JAKMIP1: variants seen among roughly 807,000 people sequenced by gnomAD.
The protein encoded by JAKMIP1 is janus kinase and microtubule interacting protein 1.
In JAKMIP1, 33 loss-of-function variants were observed where a neutral mutation model predicts 113.0. That is an observed-to-expected ratio of 0.29 (90% CI 0.22 to 0.39). JAKMIP1 has a LOEUF of 0.39. JAKMIP1 is among the 10% of genes least tolerant of loss of function. The pLI, the probability that JAKMIP1 is intolerant of heterozygous loss-of-function variation, is 1.00. For missense variants in JAKMIP1, 813 were observed against 1,080.5 expected, an observed-to-expected ratio of 0.75 and a Z score of 3.47; for synonymous variants, 480 against 459.9, an observed-to-expected ratio of 1.04 and a Z score of -0.56.
At position 6,081,868 on chromosome 4, in the gene JAKMIP1, G is replaced by T; in HGVS notation, c.955-113C>A. The T allele has an allele frequency of 2.5e-6, 3 of 1,182,646 alleles. No homozygotes were observed. Among genetic ancestry groups the T allele is most frequent in the Non-Finnish European group, 3.6e-6 (3 of 834,586 alleles). 73.3% of individuals were successfully genotyped at this position (1,182,646 alleles called of 1,614,324 possible). A position where few individuals can be genotyped will look rare whatever the true frequency, so the allele number is the denominator to read the frequency against. On this transcript the variant is annotated intron_variant, in intron 5 of 20. Coordinates refer to ENST00000409021, the MANE Select transcript of JAKMIP1 (RefSeq NM_001099433.2). The surrounding 1 kb of genome is among the most constrained non-coding windows in gnomAD (Gnocchi z 4.6). ...AGTTAGGACCCCTTCTGAGGCCAGTGTCCTGGATGACACATTTGTTTGCTA... is the reference window on the plus strand; with the variant it reads ...AGTTAGGACCCCTTCTGAGGCCAGTTTCCTGGATGACACATTTGTTTGCTA...
chr4:6,127,827 G>C (rs190427188), intron 1 of JAKMIP1, among the ~76,000 whole-genome samples: 1 of 152,314 alleles, frequency 6.6e-6, no homozygotes, highest in East Asian at 1.9e-4. Context: ...TTCTCATTTC[G>C]AACCAAAAAG....
At chr4:6,191,229 C>T (rs1727222667) in intron 1 of JAKMIP1, among the ~76,000 whole-genome samples, 1 of 152,180 alleles carries the variant, frequency 6.6e-6, no homozygotes, top group African/African-American at 2.4e-5. Flanking sequence ...GTGTCAGGCT[C>T]CAGACTCCAG....
rs780002101 is a variant in JAKMIP1, at chr4:6,040,743, G to C, written c.2098-27C>G. On this transcript the variant is annotated intron_variant, in intron 17 of 20. Transcript: ENST00000409021. The surrounding 1 kb of genome is among the most constrained non-coding windows in gnomAD (Gnocchi z 5.8). ...TGAGAAAGAGGGAGGCGCCATCAGG[G>C]ACCAGCGTCAGAACAGGAATCCATG... 1.9e-6 allele frequency: 3 copies of C among 1,586,788 alleles called. No homozygotes were observed. The South Asian group carries it at 3.3e-5, about 18-fold the overall frequency.
intron 1 of JAKMIP1, among the ~76,000 whole-genome samples, chr4:6,118,742 G>A (rs1280235969): frequency 2.0e-5 from 3 of 151,954 alleles, no homozygotes; most frequent in Admixed American, 6.6e-5. Flanking sequence ...GGAGGCAAGC[G>A]CAGAGCTCTG....
At position 6,180,355 on chromosome 4, in the gene JAKMIP1, C is replaced by A. The variant is rs1016077372; in HGVS notation, c.-148+19898G>T. Among the ~76,000 whole-genome samples the A allele has an allele frequency of 1.3e-5, 2 of 152,180 alleles. No individual in the cohort carries two copies. Among genetic ancestry groups the A allele is most frequent in the African/African-American group, 4.8e-5 (2 of 41,448 alleles). On this transcript the variant is annotated intron_variant, in intron 1 of 20. Coordinates refer to ENST00000409021, the MANE Select transcript of JAKMIP1 (RefSeq NM_001099433.2). The surrounding 1 kb of genome is among the most constrained non-coding windows in gnomAD (Gnocchi z 4.5). Reference sequence around the variant, plus strand: ...ATAATGAAGCTTCCTTTAGAACATTCTGTGCACGTGAAGTCTTCTTTCTTA... The same window carrying A: ...ATAATGAAGCTTCCTTTAGAACATTATGTGCACGTGAAGTCTTCTTTCTTA...
At position 6,084,906 on chromosome 4, in the gene JAKMIP1, A is replaced by ATTCAG; in HGVS notation, c.889_893dup (p.Ser299Ter). 6.4e-7 allele frequency: 1 copy of ATTCAG among 1,569,336 alleles called. No individual in the cohort carries two copies. Among genetic ancestry groups the ATTCAG allele is most frequent in the Non-Finnish European group, 8.6e-7 (1 of 1,159,424 alleles). On this transcript the variant is annotated stop_gained and frameshift_variant, in exon 5 of 21. Coordinates refer to ENST00000409021, the MANE Select transcript of JAKMIP1 (RefSeq NM_001099433.2). LOFTEE classifies it high-confidence loss of function. Reference sequence around the variant, plus strand: ...TGTCTTCCAGCTTCCGTATCACTGAATTCAGTTCAGCAATTTTTAGTTGAA... The same window carrying ATTCAG: ...TGTCTTCCAGCTTCCGTATCACTGAATTCAGTTCAGTTCAGCAATTTTTAGTTGAA...
chr4:6,034,071 C>G (rs77561685), intron 19 of JAKMIP1, among the ~76,000 whole-genome samples: 1,999 of 121,770 alleles, frequency 0.016, 48 homozygotes, highest in African/African-American at 0.079. Flanking sequence ...TAGCCAAACA[C>G]CTGTTTTCAA....
Position 6,139,923 on chromosome 4 carries a change from A to G in JAKMIP1, c.-147-26926T>C, listed in dbSNP as rs1249868115. On this transcript the variant is annotated intron_variant, in intron 1 of 20. Transcript: ENST00000409021. This position sits in a 1 kb window ranked among gnomAD's most constrained non-coding sequence, Gnocchi z 5.2. Reference sequence around the variant, plus strand: ...CCAAGGACTGCCACCAAAGCACAGGAAGCCAGGGGAGAGGCCTGGGGCAGA... The same window carrying G: ...CCAAGGACTGCCACCAAAGCACAGGGAGCCAGGGGAGAGGCCTGGGGCAGA... Among the ~76,000 whole-genome samples, 1 of 152,116 alleles carries G rather than the reference A, an allele frequency of 6.6e-6. No individual in the cohort carries two copies. Among genetic ancestry groups the G allele is most frequent in the Non-Finnish European group, 1.5e-5 (1 of 68,028 alleles).
chr4:6,064,143 G>A lies in JAKMIP1; in HGVS notation c.1431+737C>T, dbSNP rs1189809398. ...ACGCAGGCCCTGGTGGGGAGCAAGG[G>A]GAAGGTCTGCGCTGAATGAAGTCTG... is the stretch of plus-strand genomic sequence containing the variant. On this transcript the variant is annotated intron_variant, in intron 9 of 20. Coordinates refer to ENST00000409021, the MANE Select transcript of JAKMIP1 (RefSeq NM_001099433.2). This position sits in a 1 kb window ranked among gnomAD's most constrained non-coding sequence, Gnocchi z 4.3. 6.6e-6 allele frequency among the ~76,000 whole-genome samples: 1 copy of A among 152,234 alleles called. No homozygotes were observed. Among genetic ancestry groups the A allele is most frequent in the Non-Finnish European group, 1.5e-5 (1 of 68,032 alleles).
intron 3 of JAKMIP1, among the ~76,000 whole-genome samples, chr4:6,098,602 G>A (rs1560180279): frequency 1.5e-5 from 2 of 133,638 alleles, no homozygotes; most frequent in African/African-American, 5.5e-5. Flanking sequence ...AAGAAAGAAA[G>A]GAAGAAAAGA....
Position 6,135,346 on chromosome 4 carries a change from G to T in JAKMIP1, c.-147-22349C>A, listed in dbSNP as rs1473442101. ...AGAAGGAAGACCATGTGAGGACATGGGGAGAAGACGGCCGTCTACAAGCCA... is the reference window on the plus strand; with the variant it reads ...AGAAGGAAGACCATGTGAGGACATGTGGAGAAGACGGCCGTCTACAAGCCA... On this transcript the variant is annotated intron_variant, in intron 1 of 20. Coordinates refer to ENST00000409021, the MANE Select transcript of JAKMIP1 (RefSeq NM_001099433.2). The surrounding 1 kb of genome is among the most constrained non-coding windows in gnomAD (Gnocchi z 4.9). Among the ~76,000 whole-genome samples the T allele has an allele frequency of 1.3e-5, 2 of 152,130 alleles. No individual in the cohort carries two copies. Among genetic ancestry groups the T allele is most frequent in the Admixed American group, 1.3e-4 (2 of 15,276 alleles).
chr4:6,099,906 G>T (rs999820941), intron 3 of JAKMIP1, among the ~76,000 whole-genome samples: 4 of 152,156 alleles, frequency 2.6e-5, no homozygotes, highest in Admixed American at 6.5e-5. Context: ...GGATGCTACC[G>T]AGGGGCACGG....
rs56874913 is a variant in JAKMIP1 at position 6,084,967 on chromosome 4, TAAA to T, written c.835-5_835-3del. The T allele has an allele frequency of 0.012, 4,463 of 373,404 alleles. 3 individuals are homozygous for T. Among genetic ancestry groups the T allele is most frequent in the African/African-American group, 0.027 (476 of 17,744 alleles). The allele number at this position is 373,404 out of a possible 1,614,324, so 23.1% of individuals were successfully genotyped here. A position where few individuals can be genotyped will look rare whatever the true frequency, so the allele number is the denominator to read the frequency against. ...ATCTCGCTCGTCCATATGTTGATCC[TAAA>T]AAAAAAAAAAAAAAAAAAAAAAAAG... On this transcript the variant is annotated splice_region_variant and splice_polypyrimidine_tract_variant and intron_variant, in intron 4 of 20. Transcript: ENST00000409021.
At chr4:6,161,601 C>T (rs1366031482) in intron 1 of JAKMIP1, among the ~76,000 whole-genome samples, 4 of 151,666 alleles carry the variant, frequency 2.6e-5, no homozygotes, top group Non-Finnish European at 5.9e-5. Flanking sequence ...GGTGTACAAG[C>T]AAGGAGAAGG....
chr4:6,196,530 G>A (rs904205015), intron 1 of JAKMIP1, among the ~76,000 whole-genome samples: 7 of 152,228 alleles, frequency 4.6e-5, no homozygotes, highest in African/African-American at 1.7e-4. Flanking sequence ...TGGCCACTAC[G>A]GACATGACGG....
chr4:6,063,871 G>T (rs896066949), intron 9 of JAKMIP1, among the ~76,000 whole-genome samples: 3 of 152,252 alleles, frequency 2.0e-5, no homozygotes, highest in African/African-American at 7.2e-5. Flanking sequence ...GCAGTGCCCA[G>T]TCCCTCACCA....
chr4:6,117,796 A>C (rs1262135420), intron 1 of JAKMIP1, among the ~76,000 whole-genome samples: 3 of 152,200 alleles, frequency 2.0e-5, no homozygotes, highest in Admixed American at 2.0e-4. Flanking sequence ...TGCTGAGAAA[A>C]GGAATTCAGC....
At chr4:6,120,272 T>G (rs1297613262) in intron 1 of JAKMIP1, among the ~76,000 whole-genome samples, 1 of 151,994 alleles carries the variant, frequency 6.6e-6, no homozygotes, top group African/African-American at 2.4e-5. Context: ...GTTTTAAATA[T>G]CTAAATCCAA....
At position 6,140,555 on chromosome 4, in the gene JAKMIP1, C is replaced by T. The variant is rs894002738; in HGVS notation, c.-147-27558G>A. Reference sequence around the variant, plus strand: ...TCTTTCTGCAGGGTCAGAGGGAAGTCGGCCCGCTAGGTGACAGTGGTTCAC... The same window carrying T: ...TCTTTCTGCAGGGTCAGAGGGAAGTTGGCCCGCTAGGTGACAGTGGTTCAC... On this transcript the variant is annotated intron_variant, in intron 1 of 20. Transcript: ENST00000409021. The surrounding 1 kb of genome is among the most constrained non-coding windows in gnomAD (Gnocchi z 9.4). Among the ~76,000 whole-genome samples the T allele has an allele frequency of 5.3e-5, 8 of 152,214 alleles. No individual in the cohort carries two copies. In the East Asian group the frequency reaches 9.7e-4, roughly 18 times the overall value.
Sources: allele counts gnomAD v4.1 joint callset (sites outside exome capture counted in the v4.1 genomes callset), GRCh38; gene constraint gnomAD v4.1.1; non-coding constraint Gnocchi (gnomAD v3.1); transcripts MANE v1.5; gene names NCBI Gene and HGNC (gene_info 2026-07-23, HGNC 2026-07-21).